The following ABL2 variants were observed in gnomAD, a reference collection of about 807,000 sequenced individuals.
The protein encoded by ABL2 is ABL proto-oncogene 2, non-receptor tyrosine kinase.
In ABL2, 49 loss-of-function variants were observed where a neutral mutation model predicts 107.7. The ratio of observed to expected loss-of-function variants is 0.45; its 90% CI spans 0.36 to 0.58. The LOEUF (loss-of-function observed/expected upper bound fraction) is 0.58. ABL2 is among the 20% of genes least tolerant of loss of function. The pLI is 0.00. For missense variants in ABL2, 1,245 were observed against 1,457.0 expected (o/e 0.85, Z 2.37); for synonymous variants, 549 against 548.6 (o/e 1.00, Z -0.01).
At chr1:179,201,866 C>A in intron 1 of ABL2, 1 of 1,355,094 alleles carries the variant, frequency 7.4e-7, no homozygotes, top group Non-Finnish European at 9.7e-7. Context: ...TTTGAGACAT[C>A]AAGACCCTCT....
chr1:179,112,058 T>G (rs1419709808), intron 10 of ABL2, among the ~76,000 whole-genome samples: 2 of 151,850 alleles, frequency 1.3e-5, no homozygotes, highest in Non-Finnish European at 2.9e-5. Flanking sequence ...AAAAAAAAAG[T>G]ATATATATGA....
At position 179,164,613 on chromosome 1, in the gene ABL2, T is replaced by C. The variant is rs117402355; in HGVS notation, c.158-31239A>G. On this transcript the variant is annotated intron_variant, in intron 1 of 11. Coordinates refer to ENST00000502732, the MANE Select transcript of ABL2 (RefSeq NM_007314.4). Reference sequence around the variant, plus strand: ...ACTCAATGTTGCTAGCACCTGGTACTATGACCTCAAGTTCAGAGCTGACAT... The same window carrying C: ...ACTCAATGTTGCTAGCACCTGGTACCATGACCTCAAGTTCAGAGCTGACAT... Among the ~76,000 whole-genome samples, 1,294 of 152,346 alleles carry C rather than the reference T, an allele frequency of 8.5e-3. 44 individuals carry two copies. The highest frequency in any genetic ancestry group is 0.057 in the Admixed American group (872 of 15,300).
Position 179,174,532 on chromosome 1 carries a change from G to A in ABL2, c.158-41158C>T, listed in dbSNP as rs867219935. Among the ~76,000 whole-genome samples, 3 of 151,912 alleles carry A rather than the reference G, an allele frequency of 2.0e-5. No individual in the cohort carries two copies. The South Asian group carries it at 6.2e-4, about 32-fold the overall frequency. On this transcript the variant is annotated intron_variant, in intron 1 of 11. Coordinates refer to ENST00000502732, the MANE Select transcript of ABL2 (RefSeq NM_007314.4). ...GGCTAATACTTTGAAATATATATAT[G>A]TGTGTGTATACATATATATACATAT...
chr1:179,201,776 C>T, intron 1 of ABL2: 1 of 882,162 alleles, frequency 1.1e-6, no homozygotes, highest in Non-Finnish European at 1.8e-6. Flanking sequence ...AAAATTATAT[C>T]CACAGAATCG....
At chr1:179,171,934 T>C (rs1336949013) in intron 1 of ABL2, among the ~76,000 whole-genome samples, 1 of 152,148 alleles carries the variant, frequency 6.6e-6, no homozygotes, top group Non-Finnish European at 1.5e-5. Context: ...CATTTAACCA[T>C]TGGTCAAAGG....
rs547002553 is a variant in ABL2 at position 179,105,830 on chromosome 1, C to G, written c.*1888G>C. The G allele has an allele frequency of 5.8e-5, 13 of 224,894 alleles. No homozygotes were observed. The South Asian group carries it at 2.2e-3, about 38-fold the overall frequency. The allele number at this position is 224,894 out of a possible 1,614,324, so 13.9% of individuals were successfully genotyped here. A position where few individuals can be genotyped will look rare whatever the true frequency, so the allele number is the denominator to read the frequency against. On this transcript the variant is annotated 3_prime_UTR_variant, in exon 12 of 12. Transcript: ENST00000502732. ...TATTCTAGCCCAATTCATATAATCT[C>G]AACAATTCTTAATTTCATTAATATT...
At chr1:179,151,212 C>G (rs1658342097) in intron 1 of ABL2, among the ~76,000 whole-genome samples, 1 of 152,148 alleles carries the variant, frequency 6.6e-6, no homozygotes, top group Non-Finnish European at 1.5e-5. Flanking sequence ...GGATAGTTCC[C>G]TACCTCTCAT....
At chr1:179,187,685 T>C (rs1285629656) in intron 1 of ABL2, among the ~76,000 whole-genome samples, 4 of 152,186 alleles carry the variant, frequency 2.6e-5, no homozygotes, top group Admixed American at 6.5e-5. Context: ...TATGAATTCA[T>C]TTTTACTTCT....
chr1:179,225,003 G>C (rs777021488), intron 1 of ABL2, among the ~76,000 whole-genome samples: 1 of 152,166 alleles, frequency 6.6e-6, no homozygotes, highest in Non-Finnish European at 1.5e-5. Flanking sequence ...TCCAGCCTGG[G>C]TGGCAGAGCA....
At chr1:179,147,105 C>T (rs528634365) in intron 1 of ABL2, among the ~76,000 whole-genome samples, 2 of 128,764 alleles carry the variant, frequency 1.6e-5, no homozygotes, top group South Asian at 2.7e-4. Flanking sequence ...CATGAACAGA[C>T]ATTTTCCAAA....
chr1:179,154,584 T>C (rs1237994415), intron 1 of ABL2, among the ~76,000 whole-genome samples: 1 of 152,228 alleles, frequency 6.6e-6, no homozygotes, highest in Admixed American at 6.5e-5. Flanking sequence ...TCACCGGGGC[T>C]TGAGGCCAAA....
At chr1:179,130,221 G>A (rs1233785541) in intron 3 of ABL2, among the ~76,000 whole-genome samples, 5 of 152,176 alleles carry the variant, frequency 3.3e-5, no homozygotes, top group East Asian at 3.8e-4. Context: ...GATTACAGGC[G>A]TGAGCCACTG....
In ABL2 at chr1:179,101,126, T is replaced by C. The variant is rs1653052759; in HGVS notation, c.*6592A>G. 1 of 230,186 alleles carries C rather than the reference T, an allele frequency of 4.3e-6. No homozygotes were observed. The highest frequency in any genetic ancestry group is 1.8e-4 in the South Asian group (1 of 5,512). The allele number at this position is 230,186 out of a possible 1,614,324, so 14.3% of individuals were successfully genotyped here. A position where few individuals can be genotyped will look rare whatever the true frequency, so the allele number is the denominator to read the frequency against. ...TCTACCAGCTCTAGTTCAATAATCA[T>C]GCAAAATCAACCCAGCTGACAAGTC... On this transcript the variant is annotated 3_prime_UTR_variant, in exon 12 of 12. Coordinates refer to ENST00000502732, the MANE Select transcript of ABL2 (RefSeq NM_007314.4).
intron 1 of ABL2, among the ~76,000 whole-genome samples, chr1:179,153,004 G>GT (rs1658454107): frequency 1.3e-5 from 2 of 152,102 alleles, no homozygotes; most frequent in African/African-American, 4.8e-5. Context: ...TGTAAGTGGG[G>GT]TATTTCCATT....
chr1:179,178,421 T>A (rs547194777), intron 1 of ABL2, among the ~76,000 whole-genome samples: 2,115 of 81,686 alleles, frequency 0.026, 90 homozygotes, highest in African/African-American at 0.082. Flanking sequence ...AAAAAAAAAA[T>A]TATTTGTGTA....
intron 1 of ABL2, among the ~76,000 whole-genome samples, chr1:179,193,832 C>T (rs111532882): frequency 0.022 from 3,350 of 152,212 alleles, 67 homozygotes; most frequent in Middle Eastern, 0.054. Context: ...CCCAGGTTCA[C>T]GCCATTCTCC....
At chr1:179,165,133 C>T (rs1210699212) in intron 1 of ABL2, among the ~76,000 whole-genome samples, 2 of 152,090 alleles carry the variant, frequency 1.3e-5, no homozygotes, top group African/African-American at 4.8e-5. Context: ...GTGAATGATG[C>T]AGACATTGTG....
intron 1 of ABL2, among the ~76,000 whole-genome samples, chr1:179,170,452 T>G (rs1329647805): frequency 1.3e-5 from 2 of 152,128 alleles, no homozygotes; most frequent in Non-Finnish European, 2.9e-5. Flanking sequence ...ACTCTTATTC[T>G]GTCACCCAGG....
At chr1:179,222,130 G>T (rs940312981) in intron 1 of ABL2, 8 of 168,228 alleles carry the variant, frequency 4.8e-5, no homozygotes, top group Admixed American at 1.2e-4. Flanking sequence ...CATTAACTTC[G>T]CATTCTATGA....
Sources: gnomAD v4.1 joint callset for allele counts (sites outside exome capture counted in the v4.1 genomes callset) on GRCh38, gnomAD v4.1.1 for gene constraint, MANE v1.5 for transcripts, NCBI Gene and HGNC (gene_info 2026-07-23, HGNC 2026-07-21) for gene names.